IL1RAPL1: variants seen among roughly 807,000 people sequenced by gnomAD.
IL1RAPL1 encodes interleukin-1 receptor accessory protein-like 1.
A neutral mutation model predicts 48.4 loss-of-function variants in IL1RAPL1; 3 were observed. The observed-to-expected ratio is 0.06, with a 90% CI of 0.03 to 0.16. The LOEUF is 0.16. IL1RAPL1 is among the 10% of genes least tolerant of loss of function. The pLI is 1.00. For missense variants in IL1RAPL1, 349 were observed against 530.6 expected, an observed-to-expected ratio of 0.66 and a Z score of 3.36; for synonymous variants, 185 against 187.7, an observed-to-expected ratio of 0.99 and a Z score of 0.12.
At chrX:29,685,681 A>G (rs182911192) in intron 6 of IL1RAPL1, among the ~76,000 whole-genome samples, 3 of 110,786 alleles carry the variant, frequency 2.7e-5, no homozygotes, top group Admixed American at 9.6e-5. Flanking sequence ...CAGTTGTGAA[A>G]ATGATTATAA....
At chrX:29,558,194 A>G (rs1181302434) in intron 5 of IL1RAPL1, among the ~76,000 whole-genome samples, 1 of 111,311 alleles carries the variant, frequency 9.0e-6, no homozygotes, top group Non-Finnish European at 1.9e-5. Context: ...CCTTGCCAAT[A>G]CTTCTTCTCT....
At chrX:29,060,666 A>C (rs1217315368) in intron 2 of IL1RAPL1, among the ~76,000 whole-genome samples, 2 of 111,742 alleles carry the variant, frequency 1.8e-5, no homozygotes, top group Non-Finnish European at 3.8e-5. Flanking sequence ...AACACCTTAA[A>C]TTTAAACTCT....
intron 2 of IL1RAPL1, among the ~76,000 whole-genome samples, chrX:28,912,518 T>C (rs1466343510): frequency 3.6e-5 from 4 of 111,088 alleles, no homozygotes; most frequent in African/African-American, 1.3e-4. Flanking sequence ...TATATACACA[T>C]ATACAAACAT....
intron 2 of IL1RAPL1, among the ~76,000 whole-genome samples, chrX:28,928,306 C>G (rs1205668651): frequency 8.9e-6 from 1 of 111,824 alleles, no homozygotes; most frequent in Non-Finnish European, 1.9e-5. Context: ...CTCACCTAGA[C>G]TGTTACAATT....
At chrX:29,168,885 A>ATATTCATATGTACAATTGTATATG (rs1569251019) in intron 2 of IL1RAPL1, among the ~76,000 whole-genome samples, 2,231 of 40,121 alleles carry the variant, frequency 0.056, 403 homozygotes, top group Non-Finnish European at 0.12. Context: ...AATTGTATAT[A>ATATTCATATGTACAATTGTATATG]TATATTCATA....
At chrX:29,176,670 C>T (rs192190816) in intron 2 of IL1RAPL1, among the ~76,000 whole-genome samples, 1 of 110,784 alleles carries the variant, frequency 9.0e-6, no homozygotes, top group Non-Finnish European at 1.9e-5. Context: ...GTCTGATGGT[C>T]ATTTCTGGAC....
intron 2 of IL1RAPL1, among the ~76,000 whole-genome samples, chrX:29,041,873 T>C (rs908716303): frequency 2.7e-5 from 3 of 111,864 alleles, no homozygotes; most frequent in Non-Finnish European, 5.6e-5. Context: ...GATAATAATA[T>C]CCTCCTTATC....
At chrX:29,848,071 A>G (rs1931284547) in intron 6 of IL1RAPL1, among the ~76,000 whole-genome samples, 1 of 111,450 alleles carries the variant, frequency 9.0e-6, no homozygotes, top group African/African-American at 3.3e-5. Flanking sequence ...AACTCTTTAC[A>G]GATGATCAGA....
intron 3 of IL1RAPL1, among the ~76,000 whole-genome samples, chrX:29,368,499 A>T (rs1933496697): frequency 9.0e-6 from 1 of 111,257 alleles, no homozygotes; most frequent in Non-Finnish European, 1.9e-5. Flanking sequence ...CTCCCACCTA[A>T]GGCTGTGGAG....
chrX:29,697,350 G>C (rs1234817746), intron 6 of IL1RAPL1, among the ~76,000 whole-genome samples: 2 of 112,454 alleles, frequency 1.8e-5, no homozygotes, highest in Non-Finnish European at 3.8e-5. Context: ...ACATACAACT[G>C]TAAGAATGAT....
At chrX:28,634,913 A>G (rs936066272) in intron 1 of IL1RAPL1, among the ~76,000 whole-genome samples, 2 of 111,503 alleles carry the variant, frequency 1.8e-5, no homozygotes, top group Non-Finnish European at 1.9e-5. Context: ...TTTGGAGACA[A>G]TTCTCCATAT....
intron 2 of IL1RAPL1, among the ~76,000 whole-genome samples, chrX:29,082,554 T>G (rs943383070): frequency 1.8e-5 from 2 of 112,172 alleles, no homozygotes; most frequent in Non-Finnish European, 3.8e-5. Flanking sequence ...ACCTATCACT[T>G]GATTGAAACC....
intron 5 of IL1RAPL1, among the ~76,000 whole-genome samples, chrX:29,420,780 T>C (rs889430955): frequency 1.3e-4 from 15 of 112,522 alleles, no homozygotes; most frequent in African/African-American, 4.5e-4. Flanking sequence ...TTTTAGTCTT[T>C]ATCACAAACT....
chrX:28,804,540 A>G lies in IL1RAPL1; in HGVS notation c.82+15115A>G, dbSNP rs112228257. Among the ~76,000 whole-genome samples the G allele has an allele frequency of 4.7e-3, 523 of 111,219 alleles. 5 individuals are homozygous for G. The highest frequency in any genetic ancestry group is 0.016 in the African/African-American group (482 of 30,652). ...TTCTTGCTGTTCCCAGCTTCTAGAA[A>G]CCACCTGTATTACTTGTCTTGTTGC... On this transcript the variant is annotated intron_variant, in intron 2 of 10. Coordinates refer to ENST00000378993, the MANE Select transcript of IL1RAPL1 (RefSeq NM_014271.4).
At chrX:29,193,402 T>G (rs745637242) in intron 2 of IL1RAPL1, among the ~76,000 whole-genome samples, 2 of 111,273 alleles carry the variant, frequency 1.8e-5, no homozygotes, top group Non-Finnish European at 3.8e-5. Context: ...ATTTATAATA[T>G]TCATCAATAG....
At chrX:29,879,136 T>C (rs1221416050) in intron 6 of IL1RAPL1, among the ~76,000 whole-genome samples, 1 of 111,344 alleles carries the variant, frequency 9.0e-6, no homozygotes, top group Non-Finnish European at 1.9e-5. Flanking sequence ...GACATTAGGA[T>C]GAGTGAAACG....
intron 2 of IL1RAPL1, among the ~76,000 whole-genome samples, chrX:28,813,552 A>T (rs1936819398): frequency 9.0e-6 from 1 of 111,201 alleles, no homozygotes; most frequent in Non-Finnish European, 1.9e-5. Flanking sequence ...GTTAAAAATG[A>T]TTGATAATGT....
chrX:28,795,884 G>A (rs774822807), intron 2 of IL1RAPL1, among the ~76,000 whole-genome samples: 8 of 110,895 alleles, frequency 7.2e-5, no homozygotes, highest in African/African-American at 1.6e-4. Flanking sequence ...AATGATGTTC[G>A]TATTATTCCA....
intron 8 of IL1RAPL1, among the ~76,000 whole-genome samples, chrX:29,932,660 C>A (rs1014382734): frequency 9.0e-6 from 1 of 111,299 alleles, no homozygotes; most frequent in African/African-American, 3.3e-5. Context: ...ATACAAATAC[C>A]CCAACTGAAT....
Sources: gnomAD v4.1 joint callset for allele counts (sites outside exome capture counted in the v4.1 genomes callset) on GRCh38, gnomAD v4.1.1 for gene constraint, MANE v1.5 for transcripts, NCBI Gene and HGNC (gene_info 2026-07-23, HGNC 2026-07-21) for gene names.